DDX31: variants seen among roughly 807,000 people sequenced by gnomAD.
DDX31 encodes the protein ATP-dependent DNA helicase DDX31.
In DDX31, 70 loss-of-function variants were observed where a neutral mutation model predicts 91.3. The ratio of observed to expected loss-of-function variants is 0.77; its 90% CI spans 0.63 to 0.94. The LOEUF is 0.94. Ranked by LOEUF, DDX31 falls within the 40% of genes least tolerant of loss-of-function variation. The pLI is 0.00. For synonymous variants in DDX31, 362 were observed against 350.6 expected (o/e 1.03, Z -0.36); for missense variants, 902 against 925.0 (o/e 0.98, Z 0.32).
At chr9:132,604,809 C>G (rs752441193) in intron 19 of DDX31, among the ~76,000 whole-genome samples, 1 of 152,186 alleles carries the variant, frequency 6.6e-6, no homozygotes, top group Non-Finnish European at 1.5e-5. Context: ...TCCAGCAAGG[C>G]CTAGCAACCT....
At chr9:132,607,063 G>A (rs1831070509) in intron 19 of DDX31, among the ~76,000 whole-genome samples, 1 of 152,222 alleles carries the variant, frequency 6.6e-6, no homozygotes, top group Non-Finnish European at 1.5e-5. Context: ...CGACTGGTGT[G>A]TATGATTTCC....
intron 13 of DDX31, among the ~76,000 whole-genome samples, chr9:132,642,874 C>G (rs1304392203): frequency 1.3e-5 from 2 of 151,740 alleles, no homozygotes; most frequent in Non-Finnish European, 2.9e-5. Flanking sequence ...TTTTGTCACC[C>G]AGGCTCACTG....
intron 1 of DDX31, among the ~76,000 whole-genome samples, chr9:132,666,524 T>C (rs1260478069): frequency 6.6e-6 from 1 of 151,940 alleles, no homozygotes; most frequent in East Asian, 1.9e-4. Context: ...AGAAATTTTT[T>C]TTTGTTTTGC....
intron 6 of DDX31, among the ~76,000 whole-genome samples, chr9:132,654,668 G>A (rs1048232238): frequency 4.7e-5 from 7 of 149,854 alleles, no homozygotes; most frequent in African/African-American, 1.5e-4. Flanking sequence ...ATAAAGGGCC[G>A]GATGTGGTGG....
chr9:132,646,561 C>T (rs1439019857), intron 12 of DDX31, among the ~76,000 whole-genome samples: 1 of 152,186 alleles, frequency 6.6e-6, no homozygotes, highest in Non-Finnish European at 1.5e-5. Flanking sequence ...TTCCCGCCAC[C>T]TGTGATGTTC....
chr9:132,615,320 G>A (rs979267078), intron 18 of DDX31, among the ~76,000 whole-genome samples: 3 of 151,748 alleles, frequency 2.0e-5, no homozygotes, highest in African/African-American at 7.3e-5. Flanking sequence ...CTCCAGCCTG[G>A]AAGGTGAAGA....
chr9:132,639,827 T>C (rs1833374056), intron 14 of DDX31, among the ~76,000 whole-genome samples: 1 of 152,170 alleles, frequency 6.6e-6, no homozygotes, highest in Admixed American at 6.5e-5. Flanking sequence ...TCTGTTCCTA[T>C]AATAACCCAA....
intron 14 of DDX31, among the ~76,000 whole-genome samples, chr9:132,633,317 C>T (rs1832908756): frequency 6.6e-6 from 1 of 152,166 alleles, no homozygotes; most frequent in South Asian, 2.1e-4. Context: ...AGCAAAATTA[C>T]ATGTGCATTT....
At chr9:132,633,041 C>A (rs535459215) in intron 14 of DDX31, among the ~76,000 whole-genome samples, 1 of 152,190 alleles carries the variant, frequency 6.6e-6, no homozygotes, top group Non-Finnish European at 1.5e-5. Flanking sequence ...CCACACACTG[C>A]GCTGAGACCT....
intron 14 of DDX31, among the ~76,000 whole-genome samples, chr9:132,635,700 C>T (rs192447831): frequency 1.3e-5 from 2 of 151,806 alleles, no homozygotes. Context: ...AATCCCAGCA[C>T]TTTGGGGGGC....
intron 16 of DDX31, among the ~76,000 whole-genome samples, chr9:132,627,314 G>A (rs1040868263): frequency 4.6e-5 from 7 of 152,058 alleles, no homozygotes; most frequent in South Asian, 2.1e-4. Context: ...TGGCGACGTC[G>A]GGGAACCACA....
chr9:132,616,257 TAAG>T (rs1382896551), intron 18 of DDX31, among the ~76,000 whole-genome samples: 38 of 152,118 alleles, frequency 2.5e-4, no homozygotes, highest in Non-Finnish European at 5.0e-4. Flanking sequence ...GATTAGCAAA[TAAG>T]AGACATGATA....
At chr9:132,661,401 G>A (rs758624076) in intron 3 of DDX31, 150 bp from the exon 4 acceptor site, 50 of 705,672 alleles carry the variant, frequency 7.1e-5, no homozygotes, top group Non-Finnish European at 1.0e-4. Context: ...TACTTGGGGC[G>A]ATTCTGCCAC....
intron 15 of DDX31, among the ~76,000 whole-genome samples, chr9:132,630,781 C>G (rs1021416774): frequency 6.6e-6 from 1 of 152,204 alleles, no homozygotes; most frequent in Non-Finnish European, 1.5e-5. Context: ...GACCACATGA[C>G]CTTGGCCTAC....
At chr9:132,605,861 C>A (rs1217190701) in intron 19 of DDX31, among the ~76,000 whole-genome samples, 1 of 152,076 alleles carries the variant, frequency 6.6e-6, no homozygotes, top group East Asian at 1.9e-4. Context: ...CGGGATGCCA[C>A]TGAAAGGCGC....
Position 132,594,771 on chromosome 9 carries a change from G to A in DDX31, c.*95C>T, listed in dbSNP as rs1029537432. 14 of 1,535,890 alleles carry A rather than the reference G, an allele frequency of 9.1e-6. No individual in the cohort carries two copies. The African/African-American group carries it at 9.7e-5, about 11-fold the overall frequency. On this transcript the variant is annotated 3_prime_UTR_variant, in exon 20 of 20. Coordinates refer to ENST00000372159, the MANE Select transcript of DDX31 (RefSeq NM_022779.9). The stretch of plus-strand genomic sequence containing the variant: ...GGGGACGTGGTATTCAGGCAAAGGC[G>A]CAGTTATTTTTCACAAGCCTCCTCT...
At chr9:132,658,816 G>T in intron 5 of DDX31, 81 bp from the exon 6 acceptor site, 1 of 1,318,148 alleles carries the variant, frequency 7.6e-7, no homozygotes, top group Non-Finnish European at 1.1e-6. Context: ...AAGGAAACAG[G>T]CTCTGCTATC....
chr9:132,629,053 C>A (rs946093032), intron 16 of DDX31, among the ~76,000 whole-genome samples: 2 of 152,206 alleles, frequency 1.3e-5, no homozygotes, highest in African/African-American at 2.4e-5. Flanking sequence ...GTGTCAGCCT[C>A]GATGCTGAAA....
chr9:132,625,565 T>C, intron 17 of DDX31, 99 bp downstream of exon 17: 1 of 847,258 alleles, frequency 1.2e-6, no homozygotes, highest in East Asian at 2.5e-5. Flanking sequence ...ATAAATGTAT[T>C]GCTTGACAGA....
Sources: gnomAD v4.1 joint callset for allele counts (sites outside exome capture counted in the v4.1 genomes callset) on GRCh38, gnomAD v4.1.1 for gene constraint, MANE v1.5 for transcripts, NCBI Gene and HGNC (gene_info 2026-07-23, HGNC 2026-07-21) for gene names.